RNF19A: variants seen among roughly 807,000 people sequenced by gnomAD.
RNF19A encodes the protein ring finger protein 19A, RBR E3 ubiquitin protein ligase.
RNF19A carries 32 observed loss-of-function variants against 75.7 expected under a neutral mutation model. The ratio of observed to expected loss-of-function variants is 0.42; its 90% CI spans 0.32 to 0.57. RNF19A has a LOEUF of 0.57. RNF19A is among the 20% of genes least tolerant of loss of function. The pLI is 0.10. For synonymous variants in RNF19A, 335 were observed against 345.2 expected, an observed-to-expected ratio of 0.97 and a Z score of 0.33; for missense variants, 782 against 1,036.3, an observed-to-expected ratio of 0.75 and a Z score of 3.37.
chr8:100,285,072 C>T lies in RNF19A; in HGVS notation c.674+2429G>A, dbSNP rs532250380. ...ATTTATCTATTCTACTGTTAATGAACATTTTTTTGTTGTTGTTATTGTGGA... is the reference window on the plus strand; with the variant it reads ...ATTTATCTATTCTACTGTTAATGAATATTTTTTTGTTGTTGTTATTGTGGA... On this transcript the variant is annotated intron_variant, in intron 2 of 9. Coordinates refer to ENST00000341084, the MANE Select transcript of RNF19A (RefSeq NM_183419.4). Among the ~76,000 whole-genome samples, 4 of 152,154 alleles carry T rather than the reference C, an allele frequency of 2.6e-5. No homozygotes were observed. In the South Asian group the frequency reaches 8.3e-4, roughly 32 times the overall value.
At chr8:100,265,087 G>A (rs1389660319) in intron 5 of RNF19A, among the ~76,000 whole-genome samples, 2 of 152,106 alleles carry the variant, frequency 1.3e-5, no homozygotes, top group Non-Finnish European at 2.9e-5. Flanking sequence ...GAGCAAAGAG[G>A]AAGAAATTAA....
In RNF19A at chr8:100,332,675, A is replaced by G. The variant is rs1563878068; in HGVS notation, c.-243+3433T>C. On this transcript the variant is annotated intron_variant, in intron 1 of 3. Coordinates refer to the RNF19A transcript ENST00000519527. The surrounding 1 kb of genome is among the most constrained non-coding windows in gnomAD (Gnocchi z 4.8). ...CCTCTTTAACAAAGTGTATTATTAAACATTTTGGTCTTTGCAAATTTGTTA... is the reference window on the plus strand; with the variant it reads ...CCTCTTTAACAAAGTGTATTATTAAGCATTTTGGTCTTTGCAAATTTGTTA... Among the ~76,000 whole-genome samples the G allele has an allele frequency of 6.6e-6, 1 of 152,186 alleles. No homozygotes were observed. Among genetic ancestry groups the G allele is most frequent in the Admixed American group, 6.5e-5 (1 of 15,286 alleles).
chr8:100,319,088 T>C (rs1307029476), intron 1 of RNF19A, among the ~76,000 whole-genome samples: 1 of 152,230 alleles, frequency 6.6e-6, no homozygotes, highest in Non-Finnish European at 1.5e-5. Context: ...GAGGAATATA[T>C]TTTACAACTA....
chr8:100,274,867 GA>G, intron 3 of RNF19A, 85 bp downstream of exon 3: 1 of 1,068,494 alleles, frequency 9.4e-7, no homozygotes, highest in South Asian at 1.6e-5. Context: ...CAAGTGAAAG[GA>G]AAACAGGAAT....
Position 100,260,146 on chromosome 8 carries a change from C to G in RNF19A, c.1683-149G>C. On this transcript the variant is annotated intron_variant, in intron 8 of 9. Coordinates refer to ENST00000341084, the MANE Select transcript of RNF19A (RefSeq NM_183419.4). The surrounding 1 kb of genome is among the most constrained non-coding windows in gnomAD (Gnocchi z 4.1). ...TATTTCCTTTTATTTAATTTAAATT[C>G]TACTGCAGCACACTGCATAGTACCA... The G allele has an allele frequency of 4.4e-6, 3 of 682,632 alleles. No individual in the cohort carries two copies. Among genetic ancestry groups the G allele is most frequent in the Non-Finnish European group, 7.2e-6 (3 of 414,368 alleles). The allele number at this position is 682,632 out of a possible 1,614,324, so 42.3% of individuals were successfully genotyped here.
upstream of RNF19A, among the ~76,000 whole-genome samples, chr8:100,314,462 C>T (rs9297292): frequency 0.058 from 8,836 of 152,180 alleles, 854 homozygotes; most frequent in African/African-American, 0.2. This position sits in a 1 kb window ranked among gnomAD's most constrained non-coding sequence, Gnocchi z 4.1. Context: ...AGGCTGGCTC[C>T]AGAGCTCATG....
chr8:100,269,137 CTTATT>C lies in RNF19A; in HGVS notation c.1029-195_1029-191del, dbSNP rs1820135270. On this transcript the variant is annotated intron_variant, in intron 4 of 9. Transcript: ENST00000341084. The surrounding 1 kb of genome is among the most constrained non-coding windows in gnomAD (Gnocchi z 5.7). ...TTATATTAACAAGATATTGATATAT[CTTATT>C]TTATATTATATTTTATTATTTAATC... 1.3e-5 allele frequency among the ~76,000 whole-genome samples: 2 copies of C among 150,238 alleles called. No homozygotes were observed. Among genetic ancestry groups the C allele is most frequent in the South Asian group, 4.2e-4 (2 of 4,808 alleles).
Position 100,309,919 on chromosome 8 carries a change from C to T in RNF19A, c.-146G>A. On this transcript the variant is annotated 5_prime_UTR_variant, in exon 1 of 10. Coordinates refer to ENST00000341084, the MANE Select transcript of RNF19A (RefSeq NM_183419.4). ...CAGGGTGGCGGGCGAGTAGGCCCAT[C>T]TCCCAGCAGCGGCGACAGCAGCCTG... The T allele has an allele frequency of 1.0e-6, 1 of 985,920 alleles. No homozygotes were observed. The highest frequency in any genetic ancestry group is 4.7e-5 in the South Asian group (1 of 21,302). The allele number at this position is 985,920 out of a possible 1,614,324, so 61.1% of individuals were successfully genotyped here.
intron 1 of RNF19A, among the ~76,000 whole-genome samples, chr8:100,335,868 C>A (rs1186230279): frequency 6.6e-6 from 1 of 152,218 alleles, no homozygotes; most frequent in Non-Finnish European, 1.5e-5. Flanking sequence ...CAGGCTGCCC[C>A]TCAGCCACGG....
intron 2 of RNF19A, among the ~76,000 whole-genome samples, chr8:100,278,853 C>T (rs1034981742): frequency 2.0e-5 from 3 of 152,000 alleles, no homozygotes; most frequent in South Asian, 2.1e-4. Context: ...TCAACCTCGC[C>T]GTTTAAAAAT....
At chr8:100,292,433 T>TGGGGGTGG (rs150468171) in intron 1 of RNF19A, among the ~76,000 whole-genome samples, 1 of 140,624 alleles carries the variant, frequency 7.1e-6, no homozygotes, top group African/African-American at 2.6e-5. Flanking sequence ...TGCTATCATA[T>TGGGGGTGG]GGGTGTGTGT....
At chr8:100,281,541 C>T (rs984785097) in intron 2 of RNF19A, among the ~76,000 whole-genome samples, 25 of 151,954 alleles carry the variant, frequency 1.6e-4, no homozygotes, top group African/African-American at 5.6e-4. Context: ...GGAGCAAATT[C>T]CTTGTGAGGA....
Position 100,319,846 on chromosome 8 carries a change from T to A in RNF19A, c.-242-6474A>T, listed in dbSNP as rs1199093362. ...CGTCCAGGCTTTTTTTTTCTTTTTT[T>A]TTTTTCGAGATGGAATTTTGCTCTT... is the stretch of plus-strand genomic sequence containing the variant. On this transcript the variant is annotated intron_variant, in intron 1 of 3. Transcript: ENST00000519527. Among the ~76,000 whole-genome samples, 3 of 148,442 alleles carry A rather than the reference T, an allele frequency of 2.0e-5. No homozygotes were observed. The South Asian group carries it at 6.4e-4, about 32-fold the overall frequency.
chr8:100,331,226 G>A lies in RNF19A; in HGVS notation c.-243+4882C>T, dbSNP rs1031453689. Among the ~76,000 whole-genome samples the A allele has an allele frequency of 6.6e-6, 1 of 152,188 alleles. No homozygotes were observed. Among genetic ancestry groups the A allele is most frequent in the Admixed American group, 6.5e-5 (1 of 15,280 alleles). On this transcript the variant is annotated intron_variant, in intron 1 of 3. Transcript: ENST00000519527. The surrounding 1 kb of genome is among the most constrained non-coding windows in gnomAD (Gnocchi z 5.2). ...ACAGCTGTATCTGAATCTCAGTTTG[G>A]AGAGAATCCAAGTGGCCGTCCTTTT...
chr8:100,308,213 C>T (rs756859095), intron 1 of RNF19A, among the ~76,000 whole-genome samples: 6 of 151,950 alleles, frequency 3.9e-5, no homozygotes, highest in Admixed American at 3.9e-4. Flanking sequence ...AGACACCTTG[C>T]GATGACATTA....
intron 1 of RNF19A, among the ~76,000 whole-genome samples, chr8:100,305,823 G>T (rs1822042496): frequency 6.6e-6 from 1 of 152,150 alleles, no homozygotes; most frequent in African/African-American, 2.4e-5. Flanking sequence ...TTATGCATTA[G>T]AATAACTTAA....
Position 100,333,442 on chromosome 8 carries a change from T to C in RNF19A, c.-243+2666A>G, listed in dbSNP as rs533813909. ...CAAAAACAAAGCTTAAAGCTATTAA[T>C]GACAAGAGAAAATGCTCACACTATT... On this transcript the variant is annotated intron_variant, in intron 1 of 3. Coordinates refer to the RNF19A transcript ENST00000519527. This position sits in a 1 kb window ranked among gnomAD's most constrained non-coding sequence, Gnocchi z 4.7. Among the ~76,000 whole-genome samples the C allele has an allele frequency of 2.4e-4, 37 of 152,338 alleles. No homozygotes were observed. Among genetic ancestry groups the C allele is most frequent in the African/African-American group, 8.9e-4 (37 of 41,576 alleles).
chr8:100,334,695 T>C (rs372734358), intron 1 of RNF19A, among the ~76,000 whole-genome samples: 5 of 152,178 alleles, frequency 3.3e-5, no homozygotes, highest in African/African-American at 1.2e-4. Context: ...TGAGTCCCAC[T>C]CCTTTCAAGA....
chr8:100,285,980 GTTTT>G (rs537213197), intron 2 of RNF19A, among the ~76,000 whole-genome samples: 1 of 151,974 alleles, frequency 6.6e-6, no homozygotes. Flanking sequence ...CTCACAAAAA[GTTTT>G]TTTAAAACTA....
Sources: allele counts gnomAD v4.1 joint callset (sites outside exome capture counted in the v4.1 genomes callset), GRCh38; gene constraint gnomAD v4.1.1; non-coding constraint Gnocchi (gnomAD v3.1); transcripts MANE v1.5; gene names NCBI Gene and HGNC (gene_info 2026-07-23, HGNC 2026-07-21).